IRAK3: variants seen among roughly 807,000 people sequenced by gnomAD.
The protein encoded by IRAK3 is interleukin-1 receptor-associated kinase 3.
IRAK3 carries 57 observed loss-of-function variants against 56.6 expected under a neutral mutation model. The ratio of observed to expected loss-of-function variants is 1.01; its 90% CI spans 0.81 to 1.26. The LOEUF is 1.26. Ranked by LOEUF, IRAK3 falls within the 50% of genes most tolerant of loss-of-function variation. The pLI, the probability that IRAK3 is intolerant of heterozygous loss-of-function variation, is 0.00. For missense variants in IRAK3, 703 were observed against 719.0 expected, an observed-to-expected ratio of 0.98 and a Z score of 0.25; for synonymous variants, 258 against 255.7, an observed-to-expected ratio of 1.01 and a Z score of -0.09.
intron 8 of IRAK3, among the ~76,000 whole-genome samples, chr12:66,230,465 C>T (rs2052832982): frequency 6.6e-6 from 1 of 152,176 alleles, no homozygotes; most frequent in Non-Finnish European, 1.5e-5. Context: ...TCAAAGACAT[C>T]CCAGAGGCAG....
At chr12:66,218,789 A>G (rs1016589366) in intron 6 of IRAK3, among the ~76,000 whole-genome samples, 5 of 152,184 alleles carry the variant, frequency 3.3e-5, no homozygotes, top group Non-Finnish European at 7.4e-5. Context: ...TTCATTGTAC[A>G]ATGGAAAGGT....
rs938716143 is a variant in IRAK3, at chr12:66,251,825, T to C, written c.*3654T>C. 2.6e-5 allele frequency: 4 copies of C among 152,146 alleles called. No homozygotes were observed. Among genetic ancestry groups the C allele is most frequent in the African/African-American group, 7.2e-5 (3 of 41,432 alleles). The allele number at this position is 152,146 out of a possible 1,614,324, so 9.4% of individuals were successfully genotyped here. On this transcript the variant is annotated 3_prime_UTR_variant, in exon 12 of 12. Transcript: ENST00000261233. The stretch of plus-strand genomic sequence containing the variant: ...TACTAAGGTACAAAGTAAGACACAG[T>C]TTAATAAGGAAGACAGGGCATCTAC...
chr12:66,190,387 GAA>G (rs35465959), intron 1 of IRAK3, among the ~76,000 whole-genome samples: 1 of 146,970 alleles, frequency 6.8e-6, no homozygotes, highest in African/African-American at 2.5e-5. Context: ...TGGCCCTTAA[GAA>G]AAAAAAAAAA....
chr12:66,244,839 T>C lies in IRAK3; in HGVS notation c.1087-109T>C, dbSNP rs2053010968. On this transcript the variant is annotated intron_variant, in intron 9 of 11. Coordinates refer to ENST00000261233, the MANE Select transcript of IRAK3 (RefSeq NM_007199.3). ...GTGTAATCAAGCAATTAATAAAATA[T>C]AAAATCATTAATCAGAATGAACTAT... The C allele has an allele frequency of 7.5e-6, 8 of 1,072,392 alleles. No homozygotes were observed. In the Admixed American group the frequency reaches 1.5e-4, roughly 20 times the overall value. The allele number at this position is 1,072,392 out of a possible 1,614,324, so 66.4% of individuals were successfully genotyped here.
intron 8 of IRAK3, among the ~76,000 whole-genome samples, chr12:66,244,165 C>G (rs2053002328): frequency 1.3e-5 from 2 of 152,180 alleles, no homozygotes; most frequent in Admixed American, 1.3e-4. Flanking sequence ...AAGAAAAGCA[C>G]AAGGAAAGCT....
At chr12:66,231,992 T>A (rs1255730455) in intron 8 of IRAK3, among the ~76,000 whole-genome samples, 1 of 152,150 alleles carries the variant, frequency 6.6e-6, no homozygotes, top group Non-Finnish European at 1.5e-5. Context: ...CAGGTCACTA[T>A]CCCAGGAACT....
intron 5 of IRAK3, among the ~76,000 whole-genome samples, chr12:66,214,962 C>T (rs575251289): frequency 5.3e-5 from 8 of 152,182 alleles, no homozygotes; most frequent in South Asian, 2.1e-4. Flanking sequence ...AAGGTGATTC[C>T]GAGTTTGCAG....
chr12:66,198,106 T>G, intron 1 of IRAK3: 1 of 985,168 alleles, frequency 1.0e-6, no homozygotes, highest in Non-Finnish European at 1.2e-6. Context: ...AGACTCCTGC[T>G]ACTATTGCCA....
chr12:66,230,819 G>A (rs942632646), intron 8 of IRAK3, among the ~76,000 whole-genome samples: 1 of 152,088 alleles, frequency 6.6e-6, no homozygotes, highest in African/African-American at 2.4e-5. Flanking sequence ...TTTTTCACAT[G>A]TTTGCTCCCC....
rs1343149305 is a variant in IRAK3 at position 66,245,088 on chromosome 12, C to G, written c.1150-10C>G. 8 of 1,614,142 alleles carry G rather than the reference C, an allele frequency of 5.0e-6. No homozygotes were observed. The highest frequency in any genetic ancestry group is 6.8e-6 in the Non-Finnish European group (8 of 1,180,002). On this transcript the variant is annotated splice_polypyrimidine_tract_variant and intron_variant, in intron 10 of 11. Transcript: ENST00000261233. ...TTCTCTGTGATAAAATTGTCTCCCT[C>G]TCTTCCAAGCGGGATCTCCTTAGAG... is the stretch of plus-strand genomic sequence containing the variant.
chr12:66,222,765 AT>A (rs2052747271), intron 6 of IRAK3, among the ~76,000 whole-genome samples: 1 of 152,008 alleles, frequency 6.6e-6, no homozygotes, highest in Non-Finnish European at 1.5e-5. Context: ...GACGCAAATA[AT>A]TTTTTACCAT....
chr12:66,250,929 C>G lies in IRAK3; in HGVS notation c.*2758C>G, dbSNP rs1213579700. On this transcript the variant is annotated 3_prime_UTR_variant, in exon 12 of 12. Coordinates refer to ENST00000261233, the MANE Select transcript of IRAK3 (RefSeq NM_007199.3). ...TGATGCCAATGATGTGAAGCCCGCT[C>G]TTCACATCCGTGAAAATCGCTGCCT... 1.3e-5 allele frequency: 2 copies of G among 152,218 alleles called. No homozygotes were observed. Among genetic ancestry groups the G allele is most frequent in the Non-Finnish European group, 2.9e-5 (2 of 68,050 alleles). 9.4% of individuals were successfully genotyped at this position (152,218 alleles called of 1,614,324 possible).
In IRAK3 at chr12:66,252,943, C is replaced by T. The variant is rs1420381209; in HGVS notation, c.*4772C>T. The T allele has an allele frequency of 2.0e-5, 3 of 152,190 alleles. No individual in the cohort carries two copies. Among genetic ancestry groups the T allele is most frequent in the Non-Finnish European group, 4.4e-5 (3 of 68,044 alleles). The allele number at this position is 152,190 out of a possible 1,614,324, so 9.4% of individuals were successfully genotyped here. Reference sequence around the variant, plus strand: ...ATCTTCCGGGGGTCTGAGGCACCTACACAAACCTCAGGTCACTATCACGTG... The same window carrying T: ...ATCTTCCGGGGGTCTGAGGCACCTATACAAACCTCAGGTCACTATCACGTG... On this transcript the variant is annotated 3_prime_UTR_variant, in exon 12 of 12. Coordinates refer to ENST00000261233, the MANE Select transcript of IRAK3 (RefSeq NM_007199.3).
intron 8 of IRAK3, among the ~76,000 whole-genome samples, chr12:66,231,595 A>G (rs761823637): frequency 6.6e-6 from 1 of 152,228 alleles, no homozygotes; most frequent in Non-Finnish European, 1.5e-5. Flanking sequence ...TCCTCTCGTT[A>G]GAGAGTTCCA....
At chr12:66,209,361 T>C (rs2136923437) in intron 2 of IRAK3, 95 bp from the exon 3 acceptor site, 1 of 757,034 alleles carries the variant, frequency 1.3e-6, no homozygotes, top group South Asian at 1.4e-5. Context: ...AAATGAACAA[T>C]GGCTAGCAAG....
intron 8 of IRAK3, among the ~76,000 whole-genome samples, chr12:66,233,013 T>C (rs986493026): frequency 2.0e-5 from 3 of 150,672 alleles, no homozygotes; most frequent in Admixed American, 6.6e-5. Context: ...TTATTATTAT[T>C]ATTTTTAAAA....
At chr12:66,233,942 T>A in intron 8 of IRAK3, 1 of 1,055,974 alleles carries the variant, frequency 9.5e-7, no homozygotes, top group Admixed American at 2.5e-5. Flanking sequence ...GATTTCGTTA[T>A]AAATAACGTT....
In IRAK3 at chr12:66,189,350, G is replaced by A. The variant is rs1277859283; in HGVS notation, c.51G>A (p.Leu17=). Reference sequence around the variant, plus strand: ...GCGCGCTGTCGGCGCACACGCTGCTGTTCGACCTGCCGCCCGCGCTGCTCG... The same window carrying A: ...GCGCGCTGTCGGCGCACACGCTGCTATTCGACCTGCCGCCCGCGCTGCTCG... ...ARGALSAHTL[L]FDLPPALLGE... Residue 17 remains leucine (L), a synonymous_variant, in exon 1 of 12, where the codon CTG becomes CTA. Transcript: ENST00000261233. 2.6e-5 allele frequency: 40 copies of A among 1,532,038 alleles called. No individual in the cohort carries two copies. The highest frequency in any genetic ancestry group is 3.5e-5 in the Non-Finnish European group (40 of 1,145,488). The allele number at this position is 1,532,038 out of a possible 1,614,324, so 94.9% of individuals were successfully genotyped here.
Position 66,228,269 on chromosome 12 carries a change from C to A in IRAK3, c.786C>A (p.Leu262=). Residue 262 remains leucine, a synonymous_variant, in exon 8 of 12, where the codon CTC becomes CTA. Transcript: ENST00000261233. ...TGTTTTAGGGTGACACGGCCCCACT[C>A]CCTTGGCACATTCGAATCGGTATAT... The part of the protein sequence containing the change: ...RLQCVGDTAP[L]PWHIRIGILI... 1 of 1,613,984 alleles carries A rather than the reference C, an allele frequency of 6.2e-7. No individual in the cohort carries two copies. The highest frequency in any genetic ancestry group is 8.5e-7 in the Non-Finnish European group (1 of 1,179,848).
Sources: gnomAD v4.1 joint callset for allele counts (sites outside exome capture counted in the v4.1 genomes callset) on GRCh38, gnomAD v4.1.1 for gene constraint, MANE v1.5 for transcripts, NCBI Gene and HGNC (gene_info 2026-07-23, HGNC 2026-07-21) for gene names.